The following ANKLE2 variants were observed in gnomAD, a reference collection of about 807,000 sequenced individuals.
The protein encoded by ANKLE2 is ankyrin repeat and LEM domain containing 2, also known as ankyrin repeat and LEM domain-containing protein 2.
A neutral mutation model predicts 84.2 loss-of-function variants in ANKLE2; 55 were observed. The observed-to-expected ratio is 0.65, with a 90% confidence interval of 0.53 to 0.82. The LOEUF is 0.82. Ranked by LOEUF, ANKLE2 falls within the 40% of genes least tolerant of loss-of-function variation. The pLI, the probability that ANKLE2 is intolerant of heterozygous loss-of-function variation, is 0.00. For missense variants in ANKLE2, 1,238 were observed against 1,201.9 expected (o/e 1.03, Z -0.44); for synonymous variants, 551 against 486.1 (o/e 1.13, Z -1.76).
At position 132,748,248 on chromosome 12, in the gene ANKLE2, C is replaced by A. The variant is rs567742205; in HGVS notation, c.931G>T (p.Ala311Ser). The A allele has an allele frequency of 1.1e-5, 17 of 1,614,166 alleles. No individual in the cohort carries two copies. The African/African-American group carries it at 1.6e-4, about 15-fold the overall frequency. The change falls in exon 4 of 13, where the codon GCC (alanine) becomes TCC (serine). Residue 311 changes from alanine (A) to serine (S), a missense_variant. This residue lies in a region of ANKLE2 where 422 missense variants were observed against 394.5 expected (regional missense o/e 1.07). Transcript: ENST00000357997. Reference protein sequence around the residue: ...YKNPRTQDLTAKLRKAVEKGE... With the variant: ...YKNPRTQDLTSKLRKAVEKGE... ...TTCTCCACAGCTTTCCGAAGCTTGG[C>A]GGTGAGGTCCTGCGTGCGGGGATTT...
At chr12:132,736,814 A>T (rs995251448) in intron 8 of ANKLE2, 79 bp downstream of exon 8, 1 of 1,486,282 alleles carries the variant, frequency 6.7e-7, no homozygotes, top group African/African-American at 1.4e-5. Flanking sequence ...ACCACGCACA[A>T]GGCAACAGGC....
At chr12:132,741,346 G>A in intron 7 of ANKLE2, 73 bp downstream of exon 7, 3 of 1,475,638 alleles carry the variant, frequency 2.0e-6, no homozygotes, top group Non-Finnish European at 2.8e-6. Flanking sequence ...GCAAAGCTCT[G>A]CTGTGTCCCC....
intron 7 of ANKLE2, chr12:132,737,552 TAAA>T (rs2136128819): frequency 6.6e-6 from 1 of 152,308 alleles, no homozygotes; most frequent in African/African-American, 2.4e-5. Flanking sequence ...CCATCTCTAC[TAAA>T]AATACAAAAA....
intron 8 of ANKLE2, among the ~76,000 whole-genome samples, 184 bp downstream of exon 8, chr12:132,736,709 C>T (rs886730579): frequency 2.6e-5 from 4 of 152,250 alleles, no homozygotes; most frequent in African/African-American, 9.6e-5. Flanking sequence ...GAGCCAAGAA[C>T]ACACATTTCT....
intron 10 of ANKLE2, chr12:132,731,064 C>T (rs1347876294): frequency 6.6e-6 from 1 of 152,196 alleles, no homozygotes; most frequent in Non-Finnish European, 1.5e-5. Flanking sequence ...CAGAAGAGCT[C>T]CCGGGCGCAG....
In ANKLE2 at chr12:132,754,834, C is replaced by T. The variant is rs899341944; in HGVS notation, c.481G>A (p.Val161Met). The change falls in exon 2 of 13, where the codon GTG becomes ATG. Residue 161 changes from valine to methionine, a missense_variant. Val to Met is a conservative substitution (Grantham distance 21). Around this residue, in one of 3 missense-constraint regions of ANKLE2, gnomAD observed 422 missense variants for 394.5 expected, o/e 1.07. Transcript: ENST00000357997. ...FSEDRDFGYS[V>M]GLNPPEEEAV... is the part of the protein sequence containing the mutation. ...TCCTCCTCTGGAGGATTCAGGCCCA[C>T]ACTGTAACCAAAATCTCTGTCTTCA... The T allele has an allele frequency of 1.3e-5, 21 of 1,614,156 alleles. No individual in the cohort carries two copies. Among genetic ancestry groups the T allele is most frequent in the East Asian group, 2.2e-5 (1 of 44,882 alleles).
At chr12:132,742,184 T>TACACATAC (rs1593159700) in intron 6 of ANKLE2, 2 of 192,508 alleles carry the variant, frequency 1.0e-5, no homozygotes, top group African/African-American at 5.0e-5. Context: ...GAAGTACAGA[T>TACACATAC]ACACACACAC....
Position 132,734,594 on chromosome 12 carries a change from A to G in ANKLE2, c.1701-19T>C. 1 of 1,587,384 alleles carries G rather than the reference A, an allele frequency of 6.3e-7. No individual in the cohort carries two copies. The highest frequency in any genetic ancestry group is 8.6e-7 in the Non-Finnish European group (1 of 1,168,824). On this transcript the variant is annotated intron_variant, in intron 9 of 12. Coordinates refer to ENST00000357997, the MANE Select transcript of ANKLE2 (RefSeq NM_015114.3). ...TAGCTCCCTGTAAGAAACAAAACAC[A>G]ATTAACCAGCTGTGAAACCAGAAAA... is the stretch of plus-strand genomic sequence containing the variant.
chr12:132,758,088 A>G (rs2044523788), intron 1 of ANKLE2: 1 of 152,022 alleles, frequency 6.6e-6, no homozygotes, highest in African/African-American at 2.4e-5. Context: ...GCCAGTTTGG[A>G]CCACAGTTTA....
At chr12:132,752,513 G>C (rs942629645) in intron 2 of ANKLE2, among the ~76,000 whole-genome samples, 8 of 151,998 alleles carry the variant, frequency 5.3e-5, no homozygotes, top group African/African-American at 1.9e-4. Flanking sequence ...GGGACTACAG[G>C]TGCCCACCAC....
intron 2 of ANKLE2, among the ~76,000 whole-genome samples, chr12:132,752,797 A>G (rs2044385138): frequency 6.6e-6 from 1 of 152,162 alleles, no homozygotes; most frequent in African/African-American, 2.4e-5. Context: ...AACAGTGTGC[A>G]ATTTCTGGCA....
At position 132,736,963 on chromosome 12, in the gene ANKLE2, C is replaced by T. The variant is rs528470040; in HGVS notation, c.1523G>A (p.Arg508His). The T allele has an allele frequency of 1.4e-5, 22 of 1,613,886 alleles. No homozygotes were observed. The highest frequency in any genetic ancestry group is 1.7e-5 in the Admixed American group (1 of 60,016). The part of the protein sequence containing the change: ...DQTAEASHVS[R>H]YGGSPRDPVL... ...CGGGTCTCTGGGGCTGCCTCCATAG[C>T]GGCTGACGTGAGAGGCCTCAGCCGT... The change falls in exon 8 of 13, where the codon CGC becomes CAC. Residue 508 changes from arginine (R) to histidine (H), a missense_variant. Physicochemically the swap from Arg to His is conservative, Grantham distance 29 (BLOSUM62 0). Coordinates refer to ENST00000357997, the MANE Select transcript of ANKLE2 (RefSeq NM_015114.3).
Position 132,743,094 on chromosome 12 carries a change from T to C in ANKLE2, c.1353+60A>G. On this transcript the variant is annotated intron_variant, in intron 6 of 12. Transcript: ENST00000357997. The surrounding 1 kb of genome is among the most constrained non-coding windows in gnomAD (Gnocchi z 4.1). ...TCCCTGTGCCTGTGATCACAGACTG[T>C]AAATTTATATATTTCCATTTCTAAC... 6.7e-7 allele frequency: 1 copy of C among 1,499,920 alleles called. No homozygotes were observed. Among genetic ancestry groups the C allele is most frequent in the Non-Finnish European group, 9.0e-7 (1 of 1,112,622 alleles). The allele number at this position is 1,499,920 out of a possible 1,614,324, so 92.9% of individuals were successfully genotyped here.
At chr12:132,759,928 A>T (rs528874324) in intron 1 of ANKLE2, 1 of 151,550 alleles carries the variant, frequency 6.6e-6, no homozygotes, top group Non-Finnish European at 1.5e-5. Flanking sequence ...GAGGTCAGGA[A>T]TTCGAGACCA....
intron 9 of ANKLE2, chr12:132,734,781 C>G: frequency 1.8e-6 from 1 of 564,446 alleles, no homozygotes; most frequent in Non-Finnish European, 3.0e-6. Context: ...GGACCCGGCA[C>G]AGCTCTCAGG....
At chr12:132,753,301 TGA>T (rs1228959287) in intron 2 of ANKLE2, among the ~76,000 whole-genome samples, 3 of 149,934 alleles carry the variant, frequency 2.0e-5, no homozygotes. Flanking sequence ...CCAACCTGGG[TGA>T]GAGAGAGACC....
chr12:132,754,211 T>C (rs1359351718), intron 2 of ANKLE2, among the ~76,000 whole-genome samples: 2 of 152,200 alleles, frequency 1.3e-5, no homozygotes. Flanking sequence ...CACTGCACTC[T>C]GGCCTGGGCA....
intron 10 of ANKLE2, among the ~76,000 whole-genome samples, chr12:132,732,785 C>T (rs1355745402): frequency 8.2e-6 from 1 of 122,302 alleles, no homozygotes. Context: ...TGATATGCAC[C>T]GTGTGAAGCT....
intron 2 of ANKLE2, 192 bp from the exon 3 acceptor site, chr12:132,751,041 A>C: frequency 1.7e-6 from 1 of 590,044 alleles, no homozygotes; most frequent in East Asian, 2.8e-5. Flanking sequence ...GACAGTGTGC[A>C]TATATGCATG....
Sources: allele counts gnomAD v4.1 joint callset (sites outside exome capture counted in the v4.1 genomes callset), GRCh38; gene constraint gnomAD v4.1.1; regional missense constraint gnomAD v4.1.1; non-coding constraint Gnocchi (gnomAD v3.1); transcripts MANE v1.5; gene names NCBI Gene and HGNC (gene_info 2026-07-23, HGNC 2026-07-21).